Variants in LXN observed in about 807,000 individuals in gnomAD.
LXN encodes latexin, also known as MUM.
A neutral mutation model predicts 29.8 loss-of-function variants in LXN; 28 were observed. That is an observed-to-expected ratio of 0.94 (90% confidence interval 0.70 to 1.29). LXN has a LOEUF of 1.29. Ranked by LOEUF, LXN falls within the 50% of genes most tolerant of loss-of-function variation. LXN has a pLI of 0.00. For missense variants in LXN, 227 were observed against 261.7 expected, an observed-to-expected ratio of 0.87 and a Z score of 0.92; for synonymous variants, 77 against 89.6, an observed-to-expected ratio of 0.86 and a Z score of 0.80.
At chr3:158,670,193 TTTTAAG>T (rs1413796515) in intron 2 of LXN, among the ~76,000 whole-genome samples, 3 of 152,214 alleles carry the variant, frequency 2.0e-5, no homozygotes, top group Admixed American at 1.3e-4. Flanking sequence ...AGTTCCTTTC[TTTTAAG>T]TTTGTCTCAT....
At position 158,669,196 on chromosome 3, in the gene LXN, A is replaced by G. The variant is rs1724023661; in HGVS notation, c.371-64T>C. ...GTATTAACCTTTTAAAACAAAATCT[A>G]AATTCTAAATCATGTCTTAGTTTCC... On this transcript the variant is annotated intron_variant, in intron 3 of 5. Coordinates refer to ENST00000264265, the MANE Select transcript of LXN (RefSeq NM_020169.4). 2.7e-6 allele frequency: 4 copies of G among 1,456,536 alleles called. No individual in the cohort carries two copies. The South Asian group carries it at 5.1e-5, about 19-fold the overall frequency. The allele number at this position is 1,456,536 out of a possible 1,614,324, so 90.2% of individuals were successfully genotyped here. A position where few individuals can be genotyped will look rare whatever the true frequency, so the allele number is the denominator to read the frequency against.
chr3:158,668,971 A>T (rs770930621), intron 4 of LXN, 25 bp downstream of exon 4: 1 of 1,558,586 alleles, frequency 6.4e-7, no homozygotes, highest in East Asian at 2.3e-5. Flanking sequence ...CCCCATTAAT[A>T]GTGTATTTTA....
chr3:158,670,222 A>T (rs1355766116), intron 2 of LXN, among the ~76,000 whole-genome samples: 1 of 152,218 alleles, frequency 6.6e-6, no homozygotes, highest in Non-Finnish European at 1.5e-5. Context: ...ATAATTTGAC[A>T]GTTGTGTATA....
chr3:158,667,829 T>C (rs892342569), intron 4 of LXN, among the ~76,000 whole-genome samples: 3 of 152,072 alleles, frequency 2.0e-5, no homozygotes, highest in Non-Finnish European at 4.4e-5. Context: ...CACCTGAGAA[T>C]AGTAAAATGT....
chr3:158,667,932 T>C (rs554955546), intron 4 of LXN, among the ~76,000 whole-genome samples: 1 of 152,342 alleles, frequency 6.6e-6, no homozygotes, highest in African/African-American at 2.4e-5. Context: ...GGCATGACTA[T>C]AGTAATTTGA....
rs1175027959 is a variant in LXN at position 158,667,091 on chromosome 3, AAAC to A, written c.508-20_508-18del. On this transcript the variant is annotated intron_variant, in intron 4 of 5. Coordinates refer to ENST00000264265, the MANE Select transcript of LXN (RefSeq NM_020169.4). ...ATTTCTTTGCTATGACAAAAAATAA[AAAC>A]GTGTTGTTTAAAACTTAATATCTTT... 3 of 1,571,024 alleles carry A rather than the reference AAAC, an allele frequency of 1.9e-6. No homozygotes were observed. The highest frequency in any genetic ancestry group is 2.7e-5 in the African/African-American group (2 of 72,934).
Position 158,666,743 on chromosome 3 carries a change from T to C in LXN, c.572A>G (p.Glu191Gly). 6.2e-7 allele frequency: 1 copy of C among 1,610,922 alleles called. No individual in the cohort carries two copies. The highest frequency in any genetic ancestry group is 8.5e-7 in the Non-Finnish European group (1 of 1,177,298). ...AACTTGCATTTGCCAGGGAATAATC[T>C]CCTGCAAGTGAAGAAAATTAATGCC... Reference protein sequence around the residue: ...TILLHNIASQEIIPWQMQVLW... With the variant: ...TILLHNIASQGIIPWQMQVLW... The change falls in exon 6 of 6, where the codon GAG becomes GGG. Residue 191 changes from glutamate to glycine, a missense_variant and splice_region_variant. Glu to Gly is a moderately conservative substitution (Grantham distance 98). Coordinates refer to ENST00000264265, the MANE Select transcript of LXN (RefSeq NM_020169.4).
intron 1 of LXN, among the ~76,000 whole-genome samples, chr3:158,671,569 A>G (rs1368271302): frequency 1.3e-5 from 2 of 152,230 alleles, no homozygotes; most frequent in Non-Finnish European, 2.9e-5. Context: ...TTAAATCAAG[A>G]TACAGATTGA....
intron 4 of LXN, among the ~76,000 whole-genome samples, chr3:158,667,479 T>C (rs1723820878): frequency 6.6e-6 from 1 of 152,164 alleles, no homozygotes; most frequent in South Asian, 2.1e-4. Context: ...ATAACAGAAA[T>C]TCTCTTTTTG....
intron 2 of LXN, 110 bp from the exon 3 acceptor site, chr3:158,669,720 T>A: frequency 9.4e-7 from 1 of 1,059,038 alleles, no homozygotes; most frequent in Non-Finnish European, 1.4e-6. Flanking sequence ...TGTTTTAGAC[T>A]AGACTTCAAA....
intron 1 of LXN, among the ~76,000 whole-genome samples, 155 bp from the exon 2 acceptor site, chr3:158,671,174 A>T (rs114051682): frequency 6.6e-6 from 1 of 152,192 alleles, no homozygotes; most frequent in Non-Finnish European, 1.5e-5. Flanking sequence ...CATGAATGTA[A>T]CATCTAATTT....
intron 1 of LXN, 41 bp downstream of exon 1, chr3:158,672,309 T>A: frequency 6.2e-7 from 1 of 1,608,702 alleles, no homozygotes; most frequent in Non-Finnish European, 8.5e-7. Context: ...GGGAGCGCAA[T>A]CCTGAAGCCT....
At chr3:158,669,296 T>G in intron 3 of LXN, 137 bp downstream of exon 3, 1 of 1,186,192 alleles carries the variant, frequency 8.4e-7, no homozygotes, top group Non-Finnish European at 1.2e-6. Context: ...TTTTGTTGGA[T>G]TGGATTAGAA....
intron 4 of LXN, among the ~76,000 whole-genome samples, chr3:158,668,670 C>G (rs1723961510): frequency 6.6e-6 from 1 of 152,186 alleles, no homozygotes; most frequent in African/African-American, 2.4e-5. Context: ...CTTTGCCTTG[C>G]TTTTGTTATG....
At chr3:158,668,395 A>G (rs1486650578) in intron 4 of LXN, among the ~76,000 whole-genome samples, 2 of 152,064 alleles carry the variant, frequency 1.3e-5, no homozygotes, top group African/African-American at 4.8e-5. Flanking sequence ...TCCCCCAAAT[A>G]TTTTTGATTC....
chr3:158,669,383 T>C, intron 3 of LXN, 50 bp downstream of exon 3: 4 of 1,527,570 alleles, frequency 2.6e-6, no homozygotes, highest in Non-Finnish European at 3.6e-6. Context: ...TAATTGAGAT[T>C]GATTTTAAGT....
chr3:158,672,638 A>C lies in LXN; in HGVS notation c.-160T>G. On this transcript the variant is annotated 5_prime_UTR_variant, in exon 1 of 6. Transcript: ENST00000264265. The stretch of plus-strand genomic sequence containing the variant: ...TTCCTCAGCTCCTTCCGACTCCGGA[A>C]GCTGCTGTTTGGGCCCAGGCTCCCT... 1.2e-6 allele frequency: 1 copy of C among 838,352 alleles called. No homozygotes were observed. The highest frequency in any genetic ancestry group is 1.8e-6 in the Non-Finnish European group (1 of 558,850). 51.9% of individuals were successfully genotyped at this position (838,352 alleles called of 1,614,324 possible). A position where few individuals can be genotyped will look rare whatever the true frequency, so the allele number is the denominator to read the frequency against.
intron 5 of LXN, 28 bp from the exon 6 acceptor site, chr3:158,666,772 A>T (rs1384312100): frequency 6.3e-7 from 1 of 1,587,552 alleles, no homozygotes; most frequent in East Asian, 2.2e-5. Flanking sequence ...TAATGCCATG[A>T]TAAAATTCAG....
In LXN at chr3:158,668,094, G is replaced by A. The variant is rs1723886992; in HGVS notation, c.507+902C>T. Among the ~76,000 whole-genome samples the A allele has an allele frequency of 2.0e-5, 3 of 152,154 alleles. No individual in the cohort carries two copies. In the South Asian group the frequency reaches 6.2e-4, roughly 31 times the overall value. ...TGGCCCTGAGGATCTCTATAGAGCA[G>A]ATTAAAGGTGAGGAGAGTCATTACA... On this transcript the variant is annotated intron_variant, in intron 4 of 5. Coordinates refer to ENST00000264265, the MANE Select transcript of LXN (RefSeq NM_020169.4).
Sources: gnomAD v4.1 joint callset for allele counts (sites outside exome capture counted in the v4.1 genomes callset) on GRCh38, gnomAD v4.1.1 for gene constraint, MANE v1.5 for transcripts, NCBI Gene and HGNC (gene_info 2026-07-23, HGNC 2026-07-21) for gene names.